Variants in IQCM observed in about 807,000 individuals in gnomAD.
The protein encoded by IQCM is IQ motif containing M.
IQCM carries 45 observed loss-of-function variants against 57.6 expected under a neutral mutation model. That is an observed-to-expected ratio of 0.78 (90% CI 0.62 to 1.00). The LOEUF is 1.00. IQCM is among the 50% of genes least tolerant of loss of function. The probability of loss-of-function intolerance (pLI) is 0.00; values close to 1 mark genes in which losing one functional copy is unlikely to be tolerated. For synonymous variants in IQCM, 148 were observed against 158.9 expected, an observed-to-expected ratio of 0.93 and a Z score of 0.51; for missense variants, 468 against 511.6, an observed-to-expected ratio of 0.91 and a Z score of 0.82.
intron 12 of IQCM, among the ~76,000 whole-genome samples, chr4:149,436,702 G>C (rs1050225360): frequency 3.3e-5 from 5 of 152,026 alleles, no homozygotes; most frequent in Admixed American, 2.0e-4. Context: ...AATTTTTGCT[G>C]TTTATGGACT....
intron 5 of IQCM, among the ~76,000 whole-genome samples, chr4:149,704,158 C>T (rs1763981738): frequency 6.6e-6 from 1 of 151,804 alleles, no homozygotes; most frequent in African/African-American, 2.4e-5. Context: ...AACTATATTC[C>T]TATTTTACTT....
intron 12 of IQCM, among the ~76,000 whole-genome samples, chr4:149,502,997 T>A (rs954635258): frequency 6.6e-6 from 1 of 150,712 alleles, no homozygotes; most frequent in East Asian, 2.0e-4. Context: ...GAGACTGAAG[T>A]GAGAAGATTT....
intron 5 of IQCM, among the ~76,000 whole-genome samples, chr4:149,720,189 C>T (rs1424636854): frequency 6.6e-6 from 1 of 152,156 alleles, no homozygotes. Flanking sequence ...CTGCAAGTCA[C>T]CACTCTATTC....
At chr4:149,668,593 G>A (rs1380486845) in intron 7 of IQCM, among the ~76,000 whole-genome samples, 1 of 152,082 alleles carries the variant, frequency 6.6e-6, no homozygotes, top group East Asian at 1.9e-4. Context: ...AACCACCATG[G>A]CACATGTATA....
At chr4:149,470,456 C>T (rs974665773) in intron 12 of IQCM, among the ~76,000 whole-genome samples, 2 of 152,100 alleles carry the variant, frequency 1.3e-5, no homozygotes, top group Non-Finnish European at 2.9e-5. Context: ...AATACAGGAG[C>T]ACCCAGATTC....
intron 13 of IQCM, among the ~76,000 whole-genome samples, chr4:149,416,901 T>C (rs1341076663): frequency 1.3e-5 from 2 of 152,092 alleles, no homozygotes; most frequent in Non-Finnish European, 2.9e-5. Flanking sequence ...CACTGGAAAA[T>C]GCTGAGAGCT....
Position 149,433,429 on chromosome 4 carries a change from T to C in IQCM, c.1357A>G (p.Ile453Val). Residue 453 changes from isoleucine (I) to valine (V), a missense_variant, in exon 13 of 14, where the codon ATA (isoleucine) becomes GTA (valine). By Grantham distance (29) the Ile-to-Val change is conservative. Transcript: ENST00000636793. ...CTATAACCTTCTTCCCCATTTACTA[T>C]GGGTCTCAACCAAGTCGACTTGAGT... ...TLLKSTWLRPIVNGEEGYRYI... is the reference protein window; with the variant it reads ...TLLKSTWLRPVVNGEEGYRYI... 1.6e-6 allele frequency: 2 copies of C among 1,226,380 alleles called. No homozygotes were observed. The highest frequency in any genetic ancestry group is 2.0e-6 in the Non-Finnish European group (2 of 983,058). 76.0% of individuals were successfully genotyped at this position (1,226,380 alleles called of 1,614,324 possible).
intron 12 of IQCM, among the ~76,000 whole-genome samples, chr4:149,481,709 T>TTTTTGTTTTTTG (rs1560896039): frequency 1.3e-4 from 17 of 133,110 alleles, no homozygotes; most frequent in South Asian, 2.4e-4. Context: ...TTGTTTTTTT[T>TTTTTGTTTTTTG]TTTTTTTTTT....
chr4:149,499,519 C>G (rs985132753), intron 12 of IQCM, among the ~76,000 whole-genome samples: 1 of 151,944 alleles, frequency 6.6e-6, no homozygotes, highest in African/African-American at 2.4e-5. Context: ...AAAGACACAG[C>G]AATATTTAAA....
intron 2 of IQCM, among the ~76,000 whole-genome samples, chr4:149,747,721 T>C (rs551436430): frequency 2.1e-4 from 32 of 152,292 alleles, no homozygotes; most frequent in Non-Finnish European, 3.4e-4. Context: ...GAATTTATGA[T>C]TAATATCAGG....
intron 13 of IQCM, among the ~76,000 whole-genome samples, chr4:149,398,703 ATACTT>A (rs1317979737): frequency 2.0e-5 from 3 of 150,438 alleles, no homozygotes; most frequent in Middle Eastern, 3.4e-3. Flanking sequence ...TAGATGTACT[ATACTT>A]TATTATTATT....
chr4:149,476,459 C>T (rs1472865133), intron 12 of IQCM, among the ~76,000 whole-genome samples: 1 of 152,008 alleles, frequency 6.6e-6, no homozygotes, highest in Admixed American at 6.6e-5. Context: ...GCGATCAAAC[C>T]ATTACTAAAG....
intron 2 of IQCM, among the ~76,000 whole-genome samples, chr4:149,760,063 T>C (rs1769358940): frequency 6.6e-6 from 1 of 151,378 alleles, no homozygotes; most frequent in Non-Finnish European, 1.5e-5. Flanking sequence ...GGAGGAATAT[T>C]AGGAAAAATG....
chr4:149,696,032 C>A (rs1053409730), intron 5 of IQCM, among the ~76,000 whole-genome samples: 3 of 152,094 alleles, frequency 2.0e-5, no homozygotes, highest in African/African-American at 7.2e-5. Flanking sequence ...GCACTTGAAA[C>A]GCAAACTTTC....
At chr4:149,419,833 A>T (rs1281508229) in intron 13 of IQCM, among the ~76,000 whole-genome samples, 1 of 152,152 alleles carries the variant, frequency 6.6e-6, no homozygotes, top group Non-Finnish European at 1.5e-5. Flanking sequence ...TGGGCAAAGG[A>T]TGTGAACAGA....
At chr4:149,771,511 T>G (rs1200009131) in intron 2 of IQCM, among the ~76,000 whole-genome samples, 2 of 152,136 alleles carry the variant, frequency 1.3e-5, no homozygotes, top group Non-Finnish European at 2.9e-5. Context: ...TAAAATCCTT[T>G]TCTCATTCTA....
intron 13 of IQCM, among the ~76,000 whole-genome samples, chr4:149,409,210 C>G (rs1194662977): frequency 2.6e-5 from 4 of 152,166 alleles, no homozygotes; most frequent in African/African-American, 9.7e-5. Context: ...AAAGGTCAGT[C>G]AAGATGGGGC....
At chr4:149,761,901 G>T (rs1274524435) in intron 2 of IQCM, among the ~76,000 whole-genome samples, 5 of 151,934 alleles carry the variant, frequency 3.3e-5, no homozygotes, top group Admixed American at 3.3e-4. Context: ...CATTAATTAA[G>T]AGCAGTAAAA....
At chr4:149,766,371 C>T (rs932252585) in intron 2 of IQCM, among the ~76,000 whole-genome samples, 2 of 152,080 alleles carry the variant, frequency 1.3e-5, no homozygotes, top group Non-Finnish European at 2.9e-5. Flanking sequence ...GTTATTGATG[C>T]CTATGGATGC....
Sources: gnomAD v4.1 joint callset for allele counts (sites outside exome capture counted in the v4.1 genomes callset) on GRCh38, gnomAD v4.1.1 for gene constraint, MANE v1.5 for transcripts, NCBI Gene and HGNC (gene_info 2026-07-23, HGNC 2026-07-21) for gene names.